IFT80: variants seen among roughly 807,000 people sequenced by gnomAD.
IFT80 encodes intraflagellar transport protein 80 homolog.
In IFT80, 79 loss-of-function variants were observed where a neutral mutation model predicts 107.9. The observed-to-expected ratio is 0.73, with a 90% confidence interval of 0.61 to 0.88. The LOEUF is 0.88. IFT80 is among the 40% of genes least tolerant of loss of function. The pLI, the probability that IFT80 is intolerant of heterozygous loss-of-function variation, is 0.00. For synonymous variants in IFT80, 299 were observed against 300.9 expected (o/e 0.99, Z 0.07); for missense variants, 797 against 914.2 (o/e 0.87, Z 1.65).
At chr3:160,268,646 A>G (rs1356186722) in intron 18 of IFT80, 110 bp from the exon 19 acceptor site, 1 of 1,041,792 alleles carries the variant, frequency 9.6e-7, no homozygotes, top group Admixed American at 1.8e-5. Context: ...TGTTTATTCC[A>G]CAATATGAAA....
At chr3:160,385,868 T>C (rs1274246552) in intron 1 of IFT80, among the ~76,000 whole-genome samples, 1 of 152,234 alleles carries the variant, frequency 6.6e-6, no homozygotes, top group Non-Finnish European at 1.5e-5. Flanking sequence ...AATTGAAATT[T>C]ACTCAGCTTA....
intron 12 of IFT80, among the ~76,000 whole-genome samples, chr3:160,300,036 C>CTCAG: frequency 1.3e-5 from 2 of 152,222 alleles, no homozygotes; most frequent in South Asian, 2.1e-4. Flanking sequence ...AGTCACATGG[C>CTCAG]CTTCTGGCAG....
At position 160,391,659 on chromosome 3, in the gene IFT80, A is replaced by G. The variant is rs371289679; in HGVS notation, c.-46-7013T>C. 1.1e-4 allele frequency: 16 copies of G among 152,294 alleles called. No homozygotes were observed. The East Asian group carries it at 1.2e-3, about 11-fold the overall frequency. The allele number at this position is 152,294 out of a possible 1,614,324, so 9.4% of individuals were successfully genotyped here. A position where few individuals can be genotyped will look rare whatever the true frequency, so the allele number is the denominator to read the frequency against. On this transcript the variant is annotated intron_variant, in intron 1 of 19. Transcript: ENST00000326448. ...GCACTCCAGCCTGGGCAACAAAGAG[A>G]GACTCTGTCTCAAAAAAAAAGTTAT...
chr3:160,285,778 C>A, intron 13 of IFT80, 26 bp downstream of exon 13: 1 of 1,428,412 alleles, frequency 7.0e-7, no homozygotes. Context: ...TGGCTATTTA[C>A]ATTAGAAGTA....
intron 18 of IFT80, among the ~76,000 whole-genome samples, chr3:160,274,984 T>G (rs1007439696): frequency 6.6e-6 from 1 of 152,232 alleles, no homozygotes; most frequent in African/African-American, 2.4e-5. Flanking sequence ...AGTGATAAAT[T>G]GAGCTCTTCT....
rs77951696 is a variant in IFT80, at chr3:160,292,728, G to A, written c.1316-6860C>T. Reference sequence around the variant, plus strand: ...CCTGACCTTGTGATGCGCCCGCCTCGGCCTCCTTTTGTTTTTTTGATGGAT... The same window carrying A: ...CCTGACCTTGTGATGCGCCCGCCTCAGCCTCCTTTTGTTTTTTTGATGGAT... On this transcript the variant is annotated intron_variant, in intron 12 of 19. Transcript: ENST00000326448. Among the ~76,000 whole-genome samples, 1,414 of 152,078 alleles carry A rather than the reference G, an allele frequency of 9.3e-3. 21 individuals are homozygous for A. The highest frequency in any genetic ancestry group is 0.033 in the African/African-American group (1,355 of 41,478).
At chr3:160,392,067 G>A (rs141923415) in intron 1 of IFT80, among the ~76,000 whole-genome samples, 98 of 152,316 alleles carry the variant, frequency 6.4e-4, no homozygotes, top group Non-Finnish European at 1.3e-3. Flanking sequence ...TTTCATAAGG[G>A]AAAAAGGGGC....
chr3:160,282,705 CAATTA>C, intron 13 of IFT80, 92 bp from the exon 14 acceptor site: 1 of 779,682 alleles, frequency 1.3e-6, no homozygotes, highest in Non-Finnish European at 2.1e-6. Flanking sequence ...CCTTTAAGAT[CAATTA>C]AATGTCATTT....
intron 6 of IFT80, among the ~76,000 whole-genome samples, chr3:160,362,807 A>C (rs1349513040): frequency 2.0e-5 from 3 of 152,232 alleles, no homozygotes; most frequent in African/African-American, 7.2e-5. Context: ...GCCTTCGACA[A>C]AATTCAACAG....
chr3:160,321,807 G>C (rs1440191977), intron 8 of IFT80, among the ~76,000 whole-genome samples: 2 of 151,578 alleles, frequency 1.3e-5, no homozygotes, highest in African/African-American at 4.8e-5. Flanking sequence ...TTAAAGTATG[G>C]TTTTATTTTT....
chr3:160,283,667 T>C (rs1042894159), intron 13 of IFT80, among the ~76,000 whole-genome samples: 3 of 152,246 alleles, frequency 2.0e-5, no homozygotes, highest in Non-Finnish European at 2.9e-5. Flanking sequence ...AAGAATTGCT[T>C]ATCATCGTCA....
At chr3:160,338,209 T>C (rs1371147496) in intron 8 of IFT80, among the ~76,000 whole-genome samples, 1 of 152,158 alleles carries the variant, frequency 6.6e-6, no homozygotes, top group Non-Finnish European at 1.5e-5. Context: ...AGATAGTTCC[T>C]AGGGCATGGA....
intron 1 of IFT80, among the ~76,000 whole-genome samples, chr3:160,396,307 C>T (rs561147745): frequency 7.1e-4 from 108 of 151,822 alleles, no homozygotes; most frequent in African/African-American, 2.4e-3. Context: ...TAATCTTGAA[C>T]AATATTCTCT....
At chr3:160,376,582 A>T (rs570925461) in intron 4 of IFT80, among the ~76,000 whole-genome samples, 1 of 152,348 alleles carries the variant, frequency 6.6e-6, no homozygotes, top group Non-Finnish European at 1.5e-5. Context: ...CAAGAGGCAC[A>T]GTTTAATTTC....
intron 1 of IFT80, among the ~76,000 whole-genome samples, chr3:160,398,086 CT>C (rs1713981149): frequency 6.6e-6 from 1 of 152,152 alleles, no homozygotes; most frequent in Non-Finnish European, 1.5e-5. Context: ...AGCCAAAAAA[CT>C]TTTTTTCATT....
At chr3:160,362,037 T>C (rs956281213) in intron 6 of IFT80, among the ~76,000 whole-genome samples, 3 of 151,954 alleles carry the variant, frequency 2.0e-5, no homozygotes, top group African/African-American at 7.3e-5. Context: ...AGAGCAGAAC[T>C]GAAGGAGATA....
At chr3:160,299,199 T>A (rs1218825789) in intron 12 of IFT80, 2 of 1,108,880 alleles carry the variant, frequency 1.8e-6, no homozygotes, top group Non-Finnish European at 2.2e-6. Flanking sequence ...TATTATTCCA[T>A]TCTGTTTTCC....
chr3:160,331,246 T>A (rs900758469), intron 8 of IFT80, among the ~76,000 whole-genome samples: 2 of 152,180 alleles, frequency 1.3e-5, no homozygotes, highest in African/African-American at 4.8e-5. Context: ...AGCCAGCTAC[T>A]AAGTAACTTA....
At chr3:160,265,416 C>A (rs545032215) in intron 19 of IFT80, among the ~76,000 whole-genome samples, 1 of 152,152 alleles carries the variant, frequency 6.6e-6, no homozygotes, top group Non-Finnish European at 1.5e-5. Flanking sequence ...AGTTTGATTT[C>A]TTTCACTCTT....
Sources: allele counts gnomAD v4.1 joint callset (sites outside exome capture counted in the v4.1 genomes callset), GRCh38; gene constraint gnomAD v4.1.1; transcripts MANE v1.5; gene names NCBI Gene and HGNC (gene_info 2026-07-23, HGNC 2026-07-21).